Variants in SH3GL1 observed in about 807,000 individuals in gnomAD.
SH3GL1 encodes endophilin-A2.
SH3GL1 carries 21 observed loss-of-function variants against 48.8 expected under a neutral mutation model. The observed-to-expected ratio is 0.43, with a 90% CI of 0.30 to 0.62. The LOEUF (loss-of-function observed/expected upper bound fraction) is 0.62, where lower values mean the gene tolerates loss of function less well. Among genes scored for constraint, SH3GL1 ranks in the 20% least tolerant of loss-of-function variants. The probability of loss-of-function intolerance (pLI) is 0.11; values close to 1 mark genes in which losing one functional copy is unlikely to be tolerated. For synonymous variants in SH3GL1, 282 were observed against 217.5 expected (o/e 1.30, Z -2.61); for missense variants, 454 against 503.0 (o/e 0.90, Z 0.93).
chr19:4,374,610 A>G (rs1234400566), intron 1 of SH3GL1, among the ~76,000 whole-genome samples: 1 of 152,216 alleles, frequency 6.6e-6, no homozygotes, highest in Non-Finnish European at 1.5e-5. Flanking sequence ...CTCCCGGGAC[A>G]GCCTCCTCCC....
intron 1 of SH3GL1, among the ~76,000 whole-genome samples, chr19:4,371,401 C>G (rs1320366429): frequency 1.3e-5 from 2 of 152,254 alleles, no homozygotes; most frequent in African/African-American, 2.4e-5. Flanking sequence ...AATTCCGAAT[C>G]CTGCCGAGTG....
chr19:4,364,073 G>A lies in SH3GL1; in HGVS notation c.465+15C>T, dbSNP rs542970334. ...GGGGGAAGGGACAGGCCCCAGGCTGGCGCAGGAGCAGCACCTGGATCTCCT... is the reference window on the plus strand; with the variant it reads ...GGGGGAAGGGACAGGCCCCAGGCTGACGCAGGAGCAGCACCTGGATCTCCT... On this transcript the variant is annotated intron_variant, in intron 5 of 9. Transcript: ENST00000269886. The A allele has an allele frequency of 1.9e-6, 3 of 1,611,790 alleles. No individual in the cohort carries two copies. Among genetic ancestry groups the A allele is most frequent in the Admixed American group, 3.3e-5 (2 of 60,030 alleles).
chr19:4,388,677 C>G (rs1243596453), intron 1 of SH3GL1, among the ~76,000 whole-genome samples: 1 of 152,198 alleles, frequency 6.6e-6, no homozygotes, highest in African/African-American at 2.4e-5. Context: ...AGCATTCAAG[C>G]CAGGGAACCA....
At chr19:4,396,294 G>A (rs926018760) in intron 1 of SH3GL1, among the ~76,000 whole-genome samples, 2 of 152,118 alleles carry the variant, frequency 1.3e-5, no homozygotes, top group African/African-American at 4.8e-5. Context: ...AGCTACTCGG[G>A]AGGCTGAGGC....
At chr19:4,371,348 G>A (rs989354411) in intron 1 of SH3GL1, among the ~76,000 whole-genome samples, 3 of 152,248 alleles carry the variant, frequency 2.0e-5, no homozygotes, top group African/African-American at 4.8e-5. Flanking sequence ...CCCTGTGCCC[G>A]GCAGGCACAG....
intron 1 of SH3GL1, among the ~76,000 whole-genome samples, chr19:4,387,807 C>CCGAGTAG (rs1232989759): frequency 1.3e-5 from 2 of 152,222 alleles, no homozygotes; most frequent in African/African-American, 2.4e-5. Context: ...CCTCAGCCTC[C>CCGAGTAG]CGAGTAGCGG....
intron 4 of SH3GL1, among the ~76,000 whole-genome samples, chr19:4,365,050 T>C (rs372572489): frequency 2.9e-3 from 445 of 152,024 alleles, no homozygotes; most frequent in African/African-American, 9.6e-3. Context: ...CCACCACACT[T>C]GGCCCCATCC....
rs779841962 is a variant in SH3GL1 at position 4,363,508 on chromosome 19, G to C, written c.625-35C>G. 1.9e-6 allele frequency: 3 copies of C among 1,579,864 alleles called. No individual in the cohort carries two copies. The Admixed American group carries it at 5.1e-5, about 27-fold the overall frequency. On this transcript the variant is annotated intron_variant, in intron 6 of 9. Transcript: ENST00000269886. ...CAGTAGGGCTCAGGGGCTCCTGCCA[G>C]TGCCACTGTCCTGTGCCTTCCCTGA...
At position 4,360,977 on chromosome 19, in the gene SH3GL1, TCTGTCCCCGGG is replaced by T. The variant is rs1468973765; in HGVS notation, c.*612_*622del. The T allele has an allele frequency of 8.6e-6, 2 of 233,668 alleles. No homozygotes were observed. The highest frequency in any genetic ancestry group is 1.2e-4 in the East Asian group (2 of 16,582). The allele number at this position is 233,668 out of a possible 1,614,324, so 14.5% of individuals were successfully genotyped here. Reference sequence around the variant, plus strand: ...GTCCTCAGGCAGATCCCAGCTGGCCTCTGTCCCCGGGCTGCAAGCTGACAGCAGGCCCGGGA... The same window carrying T: ...GTCCTCAGGCAGATCCCAGCTGGCCTCTGCAAGCTGACAGCAGGCCCGGGA... On this transcript the variant is annotated 3_prime_UTR_variant, in exon 10 of 10. Transcript: ENST00000269886.
intron 2 of SH3GL1, 135 bp from the exon 3 acceptor site, chr19:4,366,708 C>T: frequency 2.1e-6 from 2 of 963,694 alleles, no homozygotes; most frequent in Non-Finnish European, 1.6e-6. Flanking sequence ...GTCTTCAGCT[C>T]AGCCATGTCC....
chr19:4,369,626 TCTGGCC>T (rs1048416981), intron 1 of SH3GL1, among the ~76,000 whole-genome samples: 25 of 152,178 alleles, frequency 1.6e-4, no homozygotes, highest in Non-Finnish European at 2.9e-4. Context: ...GGCCTCTGGC[TCTGGCC>T]CTGGCCCCAC....
intron 1 of SH3GL1, among the ~76,000 whole-genome samples, chr19:4,394,335 T>TC (rs1973389074): frequency 6.6e-6 from 1 of 151,932 alleles, no homozygotes; most frequent in Admixed American, 6.6e-5. Flanking sequence ...CCCTCCTTAG[T>TC]CCCCCAGTTC....
chr19:4,394,505 G>C (rs938842534), intron 1 of SH3GL1, among the ~76,000 whole-genome samples: 2 of 152,128 alleles, frequency 1.3e-5, no homozygotes, highest in Non-Finnish European at 2.9e-5. Context: ...TCTATGGCCA[G>C]TTCATGACAA....
intron 1 of SH3GL1, among the ~76,000 whole-genome samples, chr19:4,384,391 C>T (rs192798477): frequency 2.2e-4 from 34 of 152,334 alleles, no homozygotes; most frequent in Middle Eastern, 3.4e-3. Context: ...GTGCGCAACA[C>T]ACGATATTGC....
At chr19:4,372,886 G>A (rs1199493237) in intron 1 of SH3GL1, among the ~76,000 whole-genome samples, 1 of 152,172 alleles carries the variant, frequency 6.6e-6, no homozygotes, top group Admixed American at 6.5e-5. Flanking sequence ...AGTGGCATGG[G>A]GACTCTCCAG....
intron 1 of SH3GL1, among the ~76,000 whole-genome samples, chr19:4,384,544 T>A (rs1973199798): frequency 6.6e-6 from 1 of 152,158 alleles, no homozygotes; most frequent in South Asian, 2.1e-4. Flanking sequence ...GTGCAGTGGC[T>A]ATTCATGGGC....
intron 8 of SH3GL1, 51 bp from the exon 9 acceptor site, chr19:4,362,436 G>A (rs757264884): frequency 8.3e-5 from 132 of 1,585,188 alleles, no homozygotes; most frequent in Non-Finnish European, 1.1e-4. Flanking sequence ...GTCGGGCAGG[G>A]CCCCTTCTGC....
At chr19:4,382,253 CTTTTT>C (rs34085741) in intron 1 of SH3GL1, among the ~76,000 whole-genome samples, 14 of 102,350 alleles carry the variant, frequency 1.4e-4, no homozygotes, top group African/African-American at 2.6e-4. Flanking sequence ...GCTCCGCTTT[CTTTTT>C]TTTTTTTTTT....
At chr19:4,397,248 G>A (rs891849847) in intron 1 of SH3GL1, among the ~76,000 whole-genome samples, 24 of 152,230 alleles carry the variant, frequency 1.6e-4, no homozygotes, top group Admixed American at 3.9e-4. Context: ...AATTGACCAG[G>A]AGGCCAAGAC....
Sources: gnomAD v4.1 joint callset for allele counts (sites outside exome capture counted in the v4.1 genomes callset) on GRCh38, gnomAD v4.1.1 for gene constraint, MANE v1.5 for transcripts, NCBI Gene and HGNC (gene_info 2026-07-23, HGNC 2026-07-21) for gene names.